The following KCNH1 variants were observed in gnomAD, a reference collection of about 807,000 sequenced individuals.
KCNH1 encodes the protein potassium voltage-gated channel subfamily H member 1.
KCNH1 carries 27 observed loss-of-function variants against 69.2 expected under a neutral mutation model. The observed-to-expected ratio is 0.39, with a 90% CI of 0.29 to 0.54. KCNH1 has a LOEUF of 0.54. KCNH1 is among the 20% of genes least tolerant of loss of function. The pLI, the probability that KCNH1 is intolerant of heterozygous loss-of-function variation, is 0.68. For missense variants in KCNH1, 798 were observed against 1,261.6 expected (o/e 0.63, Z 5.57); for synonymous variants, 456 against 487.7 (o/e 0.93, Z 0.86).
chr1:210,838,423 TG>T (rs1423181913), intron 7 of KCNH1, among the ~76,000 whole-genome samples: 4 of 152,044 alleles, frequency 2.6e-5, no homozygotes, highest in African/African-American at 9.7e-5. Flanking sequence ...CAACTAAAGA[TG>T]GATTAAAAAC....
In KCNH1 at chr1:210,893,383, C is replaced by T. The variant is rs80055986; in HGVS notation, c.1462+26257G>A. On this transcript the variant is annotated intron_variant, in intron 7 of 10. Coordinates refer to ENST00000271751, the MANE Select transcript of KCNH1 (RefSeq NM_172362.3). ...ATTCTTTCTAACAAGAAATCTGATG[C>T]CTTTGTTCCTTGTTACATAGCATAT... Among the ~76,000 whole-genome samples, 317 of 152,106 alleles carry T rather than the reference C, an allele frequency of 2.1e-3. 2 individuals are homozygous for T. The highest frequency in any genetic ancestry group is 7.2e-3 in the African/African-American group (297 of 41,506).
chr1:210,892,935 T>A (rs1686778153), intron 7 of KCNH1, among the ~76,000 whole-genome samples: 1 of 152,296 alleles, frequency 6.6e-6, no homozygotes, highest in Middle Eastern at 3.4e-3. Context: ...TAGACAATTA[T>A]ATTATCATGA....
chr1:210,773,048 A>G (rs990980443), intron 10 of KCNH1, among the ~76,000 whole-genome samples: 4 of 152,186 alleles, frequency 2.6e-5, no homozygotes, highest in Non-Finnish European at 5.9e-5. Context: ...CCCAAACTGC[A>G]TATTTTTTCA....
At chr1:210,845,792 C>G (rs1258852842) in intron 7 of KCNH1, among the ~76,000 whole-genome samples, 3 of 152,094 alleles carry the variant, frequency 2.0e-5, no homozygotes, top group Non-Finnish European at 4.4e-5. Flanking sequence ...TCAAATTGTC[C>G]CTGTTTGCAG....
chr1:211,000,764 A>G (rs1344521245), intron 6 of KCNH1, among the ~76,000 whole-genome samples: 1 of 152,188 alleles, frequency 6.6e-6, no homozygotes, highest in Non-Finnish European at 1.5e-5. Context: ...TTCAAACTAT[A>G]CTACAAGGCT....
chr1:211,035,573 TA>T (rs1375319575), intron 5 of KCNH1, among the ~76,000 whole-genome samples: 1 of 152,174 alleles, frequency 6.6e-6, no homozygotes, highest in Non-Finnish European at 1.5e-5. Flanking sequence ...TTTATCAGGA[TA>T]AATGTGAGAC....
Position 211,044,607 on chromosome 1 carries a change from A to G in KCNH1, c.559-25351T>C, listed in dbSNP as rs150553559. Among the ~76,000 whole-genome samples, 228 of 152,330 alleles carry G rather than the reference A, an allele frequency of 1.5e-3. 8 individuals are homozygous for G. The East Asian group carries it at 0.037, about 25-fold the overall frequency. On this transcript the variant is annotated intron_variant, in intron 5 of 10. Transcript: ENST00000271751. ...ATCAAAAAGTGGGCTATGGACATGA[A>G]TAGACAATTCTCAAAAGAAGATATT...
chr1:210,837,085 T>C (rs1417890401), intron 7 of KCNH1, among the ~76,000 whole-genome samples: 1 of 152,214 alleles, frequency 6.6e-6, no homozygotes, highest in Non-Finnish European at 1.5e-5. Context: ...GCTTCATTTC[T>C]AAAGAATATG....
At chr1:211,057,050 A>G (rs1427551574) in intron 5 of KCNH1, among the ~76,000 whole-genome samples, 1 of 152,244 alleles carries the variant, frequency 6.6e-6, no homozygotes, top group Non-Finnish European at 1.5e-5. Context: ...CCAGTGACCA[A>G]TCCCAGAGAG....
intron 7 of KCNH1, among the ~76,000 whole-genome samples, chr1:210,818,404 C>G (rs900006041): frequency 3.9e-5 from 6 of 152,122 alleles, no homozygotes; most frequent in African/African-American, 1.4e-4. Context: ...TCTGCTGTTT[C>G]CCTTCTACCA....
chr1:211,108,263 A>C (rs1691394223), intron 1 of KCNH1, among the ~76,000 whole-genome samples: 1 of 152,106 alleles, frequency 6.6e-6, no homozygotes, highest in Non-Finnish European at 1.5e-5. Flanking sequence ...CCAGAACTTA[A>C]ATGTAATCAT....
At chr1:210,686,569 A>T (rs1681412792) in intron 10 of KCNH1, among the ~76,000 whole-genome samples, 1 of 152,218 alleles carries the variant, frequency 6.6e-6, no homozygotes, top group South Asian at 2.1e-4. Flanking sequence ...GGAAGGTGGA[A>T]TGGAGGGAAG....
Position 210,683,837 on chromosome 1 carries a change from G to A in KCNH1, c.2414C>T (p.Thr805Ile), listed in dbSNP as rs750264852. 4 of 1,613,958 alleles carry A rather than the reference G, an allele frequency of 2.5e-6. No homozygotes were observed. The highest frequency in any genetic ancestry group is 1.7e-5 in the Admixed American group (1 of 60,018). ...CTTTGCGTGGTCTGGCACCCCGGAG[G>A]TGGAGGCTGCCTGGAAGGATACGGG... ...ATPVSFQAAS[T>I]SGVPDHAKLQ... The change falls in exon 11 of 11, where the codon ACC (threonine) becomes ATC (isoleucine). Residue 805 changes from threonine (T) to isoleucine (I), a missense_variant. Thr to Ile is a moderately conservative substitution (Grantham distance 89). This residue lies in a region of KCNH1 where 331 missense variants were observed against 363.2 expected (regional missense o/e 0.91). Transcript: ENST00000271751. This position sits in a 1 kb window ranked among gnomAD's most constrained non-coding sequence, Gnocchi z 5.7.
At chr1:211,129,993 A>C (rs1433948408) in intron 1 of KCNH1, among the ~76,000 whole-genome samples, 1 of 152,216 alleles carries the variant, frequency 6.6e-6, no homozygotes, top group Non-Finnish European at 1.5e-5. Context: ...ATTTAGAGTA[A>C]TATTTTTGTA....
intron 9 of KCNH1, among the ~76,000 whole-genome samples, chr1:210,780,088 G>A (rs981348242): frequency 6.6e-6 from 1 of 152,170 alleles, no homozygotes; most frequent in Admixed American, 6.5e-5. Context: ...GGATTACCAG[G>A]GTGAATTCAA....
intron 10 of KCNH1, among the ~76,000 whole-genome samples, chr1:210,753,107 T>C (rs1434882568): frequency 6.6e-6 from 1 of 152,170 alleles, no homozygotes; most frequent in South Asian, 2.1e-4. Context: ...ATTTCTGACC[T>C]CTGACCCCTG....
In KCNH1 at chr1:210,683,617, G is replaced by A. The variant is rs770031967; in HGVS notation, c.2634C>T (p.Asp878=). 8 of 1,614,200 alleles carry A rather than the reference G, an allele frequency of 5.0e-6. No individual in the cohort carries two copies. The South Asian group carries it at 7.7e-5, about 16-fold the overall frequency. Residue 878 remains aspartate, a synonymous_variant, in exon 11 of 11, where the codon GAC becomes GAT. Transcript: ENST00000271751. This position sits in a 1 kb window ranked among gnomAD's most constrained non-coding sequence, Gnocchi z 5.7. The part of the protein sequence containing the change: ...ASGEATLKKT[D]SCDSGITKSD... ...TCTTGGTGATGCCACTGTCACACGA[G>A]TCTGTCTTCTTCAGTGTGGCCTCGC... is the stretch of plus-strand genomic sequence containing the variant.
intron 7 of KCNH1, among the ~76,000 whole-genome samples, chr1:210,839,205 T>C (rs1301116761): frequency 6.6e-6 from 1 of 152,204 alleles, no homozygotes; most frequent in Non-Finnish European, 1.5e-5. Flanking sequence ...GTGGTACATA[T>C]ACACCATGGA....
intron 1 of KCNH1, among the ~76,000 whole-genome samples, chr1:211,116,612 G>T (rs1691588171): frequency 6.6e-6 from 1 of 152,120 alleles, no homozygotes; most frequent in African/African-American, 2.4e-5. Flanking sequence ...TAATCAGACG[G>T]ACCAAACTGT....
Sources: allele counts gnomAD v4.1 joint callset (sites outside exome capture counted in the v4.1 genomes callset), GRCh38; gene constraint gnomAD v4.1.1; regional missense constraint gnomAD v4.1.1; non-coding constraint Gnocchi (gnomAD v3.1); transcripts MANE v1.5; gene names NCBI Gene and HGNC (gene_info 2026-07-23, HGNC 2026-07-21).